CLIC4: variants seen among roughly 807,000 people sequenced by gnomAD.
CLIC4 encodes CLIC family member 4, also known as chloride intracellular channel protein 4.
Under a neutral mutation model 24.6 loss-of-function variants are expected in CLIC4, and 13 were observed. That is an observed-to-expected ratio of 0.53 (90% CI 0.34 to 0.84). The LOEUF (loss-of-function observed/expected upper bound fraction) is 0.84, where lower values mean the gene tolerates loss of function less well. Among genes scored for constraint, CLIC4 ranks in the 40% least tolerant of loss-of-function variants. The pLI, the probability that CLIC4 is intolerant of heterozygous loss-of-function variation, is 0.01. For missense variants in CLIC4, 227 were observed against 301.7 expected (o/e 0.75, Z 1.83); for synonymous variants, 104 against 111.3 (o/e 0.93, Z 0.41).
At chr1:24,800,948 C>T (rs1217431253) in intron 2 of CLIC4, among the ~76,000 whole-genome samples, 2 of 150,174 alleles carry the variant, frequency 1.3e-5, no homozygotes, top group African/African-American at 2.4e-5. Context: ...GGGTCCTCTG[C>T]CTAGGAAAAC....
At chr1:24,753,976 A>G (rs952520089) in intron 1 of CLIC4, among the ~76,000 whole-genome samples, 1 of 152,246 alleles carries the variant, frequency 6.6e-6, no homozygotes. Context: ...AGCTAACTCA[A>G]TATTCAGACA....
At chr1:24,755,500 TTGGCAGGCTGAGGCC>T (rs1232940222) in intron 1 of CLIC4, among the ~76,000 whole-genome samples, 11 of 151,704 alleles carry the variant, frequency 7.3e-5, no homozygotes, top group Admixed American at 3.3e-4. Context: ...AGACCTAGCT[TTGGCAGGCTGAGGCC>T]GGAGGATCAC....
intron 1 of CLIC4, among the ~76,000 whole-genome samples, chr1:24,756,345 C>T (rs970621303): frequency 2.0e-5 from 3 of 152,194 alleles, no homozygotes; most frequent in African/African-American, 4.8e-5. Flanking sequence ...GGGCCAGGAA[C>T]GGACCTGAGT....
At chr1:24,788,153 A>G (rs964007276) in intron 1 of CLIC4, among the ~76,000 whole-genome samples, 1 of 150,736 alleles carries the variant, frequency 6.6e-6, no homozygotes, top group African/African-American at 2.4e-5. Flanking sequence ...CGCCTGGCCA[A>G]TTTTTGTATT....
At chr1:24,784,896 C>T (rs1174065397) in intron 1 of CLIC4, among the ~76,000 whole-genome samples, 1 of 151,094 alleles carries the variant, frequency 6.6e-6, no homozygotes, top group Non-Finnish European at 1.5e-5. Flanking sequence ...CCCAGCTACT[C>T]AGGAGGCTGA....
chr1:24,751,290 A>C (rs1571226665), intron 1 of CLIC4, among the ~76,000 whole-genome samples: 1 of 147,336 alleles, frequency 6.8e-6, no homozygotes, highest in East Asian at 2.0e-4. Context: ...GCTCACTGCA[A>C]CCTCTGTCTC....
intron 3 of CLIC4, among the ~76,000 whole-genome samples, chr1:24,823,739 A>G (rs1639758386): frequency 7.0e-6 from 1 of 142,150 alleles, no homozygotes; most frequent in Non-Finnish European, 1.5e-5. Context: ...GCGCCACTGT[A>G]CTCTAGCCTG....
chr1:24,817,063 G>A (rs1392461026), intron 3 of CLIC4, among the ~76,000 whole-genome samples: 1 of 152,180 alleles, frequency 6.6e-6, no homozygotes, highest in Non-Finnish European at 1.5e-5. Flanking sequence ...ACCAGACGTT[G>A]ACTTTTTCTC....
At chr1:24,767,825 A>T (rs1224660365) in intron 1 of CLIC4, among the ~76,000 whole-genome samples, 4 of 151,410 alleles carry the variant, frequency 2.6e-5, no homozygotes, top group Non-Finnish European at 5.9e-5. Context: ...TTAATTAAAA[A>T]TTTTTAATTA....
intron 2 of CLIC4, among the ~76,000 whole-genome samples, chr1:24,810,843 T>C (rs898025379): frequency 8.6e-5 from 13 of 152,000 alleles, no homozygotes; most frequent in Admixed American, 2.0e-4. Context: ...CCCAGCACTT[T>C]GGGAGGCCGA....
intron 1 of CLIC4, among the ~76,000 whole-genome samples, chr1:24,791,922 G>A (rs1571245414): frequency 6.6e-6 from 1 of 150,520 alleles, no homozygotes; most frequent in Admixed American, 6.6e-5. Flanking sequence ...GGTGGTGGGC[G>A]CCTGTACTCC....
At chr1:24,799,750 G>C (rs1198804398) in intron 2 of CLIC4, among the ~76,000 whole-genome samples, 1 of 129,466 alleles carries the variant, frequency 7.7e-6, no homozygotes, top group African/African-American at 2.9e-5. Flanking sequence ...AGGGAGGTGG[G>C]GGGGTCAGCC....
At chr1:24,756,086 G>A (rs987086925) in intron 1 of CLIC4, among the ~76,000 whole-genome samples, 19 of 147,408 alleles carry the variant, frequency 1.3e-4, no homozygotes, top group African/African-American at 4.5e-4. Flanking sequence ...TGCAAGCTCC[G>A]CCTCCTGGGT....
At chr1:24,758,307 G>C (rs1011345885) in intron 1 of CLIC4, among the ~76,000 whole-genome samples, 4 of 150,640 alleles carry the variant, frequency 2.7e-5, no homozygotes, top group Admixed American at 2.6e-4. Context: ...GTATGTCCTA[G>C]TCTTTTTTTT....
Position 24,745,456 on chromosome 1 carries a change from A to G in CLIC4, c.-98A>G. 2 of 1,119,084 alleles carry G rather than the reference A, an allele frequency of 1.8e-6. No homozygotes were observed. Among genetic ancestry groups the G allele is most frequent in the Non-Finnish European group, 2.6e-6 (2 of 776,738 alleles). 69.3% of individuals were successfully genotyped at this position (1,119,084 alleles called of 1,614,324 possible). A position where few individuals can be genotyped will look rare whatever the true frequency, so the allele number is the denominator to read the frequency against. ...CAGCTCGACGCCGGACAGTCCAGCG[A>G]GCAGCACGGCGGGAACCGGCAGCCG... On this transcript the variant is annotated 5_prime_UTR_variant, in exon 1 of 6. Transcript: ENST00000374379.
chr1:24,813,487 C>T (rs1312873202), intron 2 of CLIC4, among the ~76,000 whole-genome samples: 7 of 148,852 alleles, frequency 4.7e-5, no homozygotes, highest in Non-Finnish European at 6.0e-5. Context: ...GGTACATTCT[C>T]AGCTCACTGC....
intron 1 of CLIC4, among the ~76,000 whole-genome samples, chr1:24,749,462 A>G (rs1384203174): frequency 6.6e-6 from 1 of 152,192 alleles, no homozygotes; most frequent in Non-Finnish European, 1.5e-5. Context: ...TTCACATTTA[A>G]GAGAGAGAGA....
chr1:24,776,345 G>C (rs1025241732), intron 1 of CLIC4, among the ~76,000 whole-genome samples: 1 of 152,154 alleles, frequency 6.6e-6, no homozygotes, highest in Non-Finnish European at 1.5e-5. Context: ...AACTTGTCCA[G>C]TGCAGTTCCT....
At chr1:24,803,905 G>GA (rs1166973816) in intron 2 of CLIC4, among the ~76,000 whole-genome samples, 2 of 151,998 alleles carry the variant, frequency 1.3e-5, no homozygotes, top group Admixed American at 6.5e-5. Context: ...GGAGAAAAGG[G>GA]AAAAAAACTT....
Sources: allele counts gnomAD v4.1 joint callset (sites outside exome capture counted in the v4.1 genomes callset), GRCh38; gene constraint gnomAD v4.1.1; transcripts MANE v1.5; gene names NCBI Gene and HGNC (gene_info 2026-07-23, HGNC 2026-07-21).